Variants in USP34 observed in about 807,000 individuals in gnomAD.
USP34 encodes the protein ubiquitin carboxyl-terminal hydrolase 34.
In USP34, 70 loss-of-function variants were observed where a neutral mutation model predicts 460.3. The observed-to-expected ratio is 0.15, with a 90% CI of 0.13 to 0.19. USP34 has a LOEUF of 0.19. Ranked by LOEUF, USP34 falls within the 10% of genes least tolerant of loss-of-function variation. USP34 has a pLI of 1.00. For missense variants in USP34, 3,985 were observed against 4,236.2 expected (o/e 0.94, Z 1.65); for synonymous variants, 1,647 against 1,405.3 (o/e 1.17, Z -3.85).
chr2:61,311,952 T>A, intron 25 of USP34, 42 bp from the exon 26 acceptor site: 1 of 1,596,368 alleles, frequency 6.3e-7, no homozygotes, highest in Non-Finnish European at 8.5e-7. Flanking sequence ...GATACCATTT[T>A]AAACCATTTT....
rs914214703 is a variant in USP34, at chr2:61,470,854, T to G, written c.-162A>C. On this transcript the variant is annotated 5_prime_UTR_variant, in exon 1 of 80. Coordinates refer to ENST00000398571, the MANE Select transcript of USP34 (RefSeq NM_014709.4). ...GGGGACGGGGCGGGGAGCAAGAGAA[T>G]GGGGGAGGGGGCCGGCGGTCCCCGC... is the stretch of plus-strand genomic sequence containing the variant. The G allele has an allele frequency of 6.2e-3, 504 of 80,712 alleles. No individual in the cohort carries two copies. Among genetic ancestry groups the G allele is most frequent in the East Asian group, 0.022 (54 of 2,438 alleles). The allele number at this position is 80,712 out of a possible 1,614,324, so 5.0% of individuals were successfully genotyped here. A position where few individuals can be genotyped will look rare whatever the true frequency, so the allele number is the denominator to read the frequency against.
At chr2:61,300,229 A>G (rs1190745116) in intron 29 of USP34, among the ~76,000 whole-genome samples, 8 of 152,158 alleles carry the variant, frequency 5.3e-5, no homozygotes, top group Non-Finnish European at 1.5e-5. Context: ...GAAATGACTC[A>G]CGATGACGCA....
At chr2:61,425,736 C>T (rs1242176016) in intron 1 of USP34, among the ~76,000 whole-genome samples, 2 of 152,076 alleles carry the variant, frequency 1.3e-5, no homozygotes, top group African/African-American at 4.8e-5. Context: ...GGCACCAAGA[C>T]AGTAGAGGTG....
chr2:61,465,705 C>T (rs967213894), intron 1 of USP34, among the ~76,000 whole-genome samples: 4 of 152,062 alleles, frequency 2.6e-5, no homozygotes, highest in South Asian at 2.1e-4. Context: ...CGGCTAGGCA[C>T]GGTGGCTCAC....
At chr2:61,279,551 T>A (rs1489979465) in intron 39 of USP34, among the ~76,000 whole-genome samples, 1 of 152,146 alleles carries the variant, frequency 6.6e-6, no homozygotes, top group Non-Finnish European at 1.5e-5. Flanking sequence ...GACTGCAACC[T>A]CTGCCTCCCG....
chr2:61,437,814 T>TAAAA (rs1553391362), intron 1 of USP34, among the ~76,000 whole-genome samples: 2 of 150,016 alleles, frequency 1.3e-5, no homozygotes, highest in African/African-American at 2.4e-5. Context: ...AATAAATAAA[T>TAAAA]AAAAAACCTG....
intron 75 of USP34, among the ~76,000 whole-genome samples, chr2:61,194,551 G>A (rs1446161727): frequency 1.3e-5 from 2 of 152,204 alleles, no homozygotes; most frequent in South Asian, 2.1e-4. Flanking sequence ...AGGTTGGAGT[G>A]CAGTGGCGTG....
intron 21 of USP34, among the ~76,000 whole-genome samples, chr2:61,323,501 CA>C (rs1287018531): frequency 7.9e-6 from 1 of 127,102 alleles, no homozygotes; most frequent in Non-Finnish European, 1.6e-5. Flanking sequence ...GGCAACAGAG[CA>C]AGACTCCGCC....
chr2:61,242,686 T>C (rs1688303097), intron 51 of USP34, among the ~76,000 whole-genome samples: 1 of 152,092 alleles, frequency 6.6e-6, no homozygotes, highest in Non-Finnish European at 1.5e-5. Context: ...TAAAGACTGT[T>C]TCTTAATGAG....
intron 62 of USP34, among the ~76,000 whole-genome samples, chr2:61,224,683 G>C (rs1161708733): frequency 1.3e-5 from 2 of 152,044 alleles, no homozygotes; most frequent in African/African-American, 2.4e-5. Flanking sequence ...ATAATGATTT[G>C]ATTTCCTAAT....
At chr2:61,356,246 G>C (rs1692099977) in intron 10 of USP34, among the ~76,000 whole-genome samples, 1 of 151,522 alleles carries the variant, frequency 6.6e-6, no homozygotes, top group Admixed American at 6.6e-5. Flanking sequence ...CCAGCACTTT[G>C]GGAGGCCAAG....
Position 61,311,592 on chromosome 2 carries a change from T to C in USP34, c.3765A>G (p.Gln1255=), listed in dbSNP as rs1467221901. The C allele has an allele frequency of 2.5e-6, 4 of 1,613,426 alleles. No homozygotes were observed. Among genetic ancestry groups the C allele is most frequent in the Middle Eastern group, 1.7e-4 (1 of 6,058 alleles). Residue 1255 remains glutamine, a synonymous_variant, in exon 27 of 80, where the codon CAA becomes CAG. Transcript: ENST00000398571. ...YENLQKEQIN[Q]QAQLQEFGQS... is the part of the protein sequence containing the mutation. Reference sequence around the variant, plus strand: ...GACCAAACTCCTGAAGCTGAGCTTGTTGATTTATTTGTTCTTTCTGTAAAT... The same window carrying C: ...GACCAAACTCCTGAAGCTGAGCTTGCTGATTTATTTGTTCTTTCTGTAAAT...
chr2:61,331,008 TA>T (rs1413756200), intron 20 of USP34, among the ~76,000 whole-genome samples: 2 of 152,086 alleles, frequency 1.3e-5, no homozygotes. Flanking sequence ...TTTGATTCCT[TA>T]AAAACAGTTA....
At chr2:61,393,866 A>G (rs1276070136) in intron 5 of USP34, among the ~76,000 whole-genome samples, 1 of 152,166 alleles carries the variant, frequency 6.6e-6, no homozygotes, top group African/African-American at 2.4e-5. Flanking sequence ...GGCCGGGCAC[A>G]GTCGCTCACG....
chr2:61,250,994 C>T (rs1050725071), intron 48 of USP34, among the ~76,000 whole-genome samples: 13 of 151,986 alleles, frequency 8.6e-5, no homozygotes, highest in African/African-American at 2.2e-4. Flanking sequence ...AAAAATTAGC[C>T]GGGCGTGGTG....
chr2:61,454,336 C>T (rs1177681693), intron 1 of USP34, among the ~76,000 whole-genome samples: 1 of 152,156 alleles, frequency 6.6e-6, no homozygotes, highest in African/African-American at 2.4e-5. Flanking sequence ...GTTGGCCAGG[C>T]TGGTATTGAA....
At chr2:61,432,584 G>C (rs1234477431) in intron 1 of USP34, among the ~76,000 whole-genome samples, 5 of 152,190 alleles carry the variant, frequency 3.3e-5, no homozygotes, top group Non-Finnish European at 5.9e-5. Flanking sequence ...TTCTAGGCCA[G>C]CCTGGGCAAC....
At chr2:61,217,780 C>T (rs1039413956) in intron 67 of USP34, among the ~76,000 whole-genome samples, 13 of 152,024 alleles carry the variant, frequency 8.6e-5, no homozygotes, top group African/African-American at 3.1e-4. Flanking sequence ...CGGTGAAACC[C>T]CGTCTCTACT....
intron 20 of USP34, among the ~76,000 whole-genome samples, chr2:61,326,372 G>A (rs960939927): frequency 1.3e-5 from 2 of 152,022 alleles, no homozygotes; most frequent in African/African-American, 4.8e-5. Context: ...CTAGGCGTGC[G>A]CCACCACACC....
Sources: allele counts gnomAD v4.1 joint callset (sites outside exome capture counted in the v4.1 genomes callset), GRCh38; gene constraint gnomAD v4.1.1; transcripts MANE v1.5; gene names NCBI Gene and HGNC (gene_info 2026-07-23, HGNC 2026-07-21).